Variants in EIF4G3 observed in about 807,000 individuals in gnomAD.
EIF4G3 encodes the protein eIF-4-gamma 3.
Under a neutral mutation model 186.4 loss-of-function variants are expected in EIF4G3, and 34 were observed. The ratio of observed to expected loss-of-function variants is 0.18; its 90% confidence interval spans 0.14 to 0.24. EIF4G3 has a LOEUF of 0.24. Ranked by LOEUF, EIF4G3 falls within the 10% of genes least tolerant of loss-of-function variation. The pLI is 1.00. For missense variants in EIF4G3, 1,536 were observed against 1,948.5 expected (o/e 0.79, Z 3.99); for synonymous variants, 673 against 679.5 (o/e 0.99, Z 0.15).
chr1:20,820,520 C>A (rs899267006), intron 33 of EIF4G3, among the ~76,000 whole-genome samples: 1 of 152,152 alleles, frequency 6.6e-6, no homozygotes, highest in Non-Finnish European at 1.5e-5. Flanking sequence ...TGGAAGGGGG[C>A]AGGGTCCCCA....
Position 20,899,899 on chromosome 1 carries a change from A to G in EIF4G3, c.1797T>C (p.Ser599=). 2 of 1,613,878 alleles carry G rather than the reference A, an allele frequency of 1.2e-6. No homozygotes were observed. Among genetic ancestry groups the G allele is most frequent in the Non-Finnish European group, 1.7e-6 (2 of 1,179,944 alleles). ...EELSIDKVLE[S]EQDKMSQGFH... ...ACCCCTGGCTCATTTTATCTTGTTC[A>G]GATTCAAGTACTTTGTCAATGGAAA... The change falls in exon 16 of 37, where the codon TCT becomes TCC. Residue 599 remains serine, a synonymous_variant. Transcript: ENST00000602326.
chr1:20,895,555 G>T, intron 16 of EIF4G3, 54 bp from the exon 17 acceptor site: 2 of 1,565,916 alleles, frequency 1.3e-6, no homozygotes, highest in Non-Finnish European at 1.7e-6. Context: ...ATACAGTCAT[G>T]CATTGCATAA....
intron 32 of EIF4G3, among the ~76,000 whole-genome samples, chr1:20,826,406 A>T (rs1237541018): frequency 6.8e-6 from 1 of 147,948 alleles, no homozygotes; most frequent in Non-Finnish European, 1.5e-5. Context: ...ACCTCAAGTG[A>T]TCCACCCGCC....
chr1:20,934,008 T>C (rs2154561470), intron 14 of EIF4G3, among the ~76,000 whole-genome samples: 1 of 152,338 alleles, frequency 6.6e-6, no homozygotes, highest in South Asian at 2.1e-4. Flanking sequence ...CTGATGGAAC[T>C]GTTTTATATT....
chr1:20,965,261 C>T (rs114121597), intron 12 of EIF4G3, among the ~76,000 whole-genome samples: 2,884 of 152,208 alleles, frequency 0.019, 76 homozygotes, highest in African/African-American at 0.059. Flanking sequence ...CATTATATCC[C>T]GCTCTTTAAA....
intron 2 of EIF4G3, among the ~76,000 whole-genome samples, chr1:21,171,746 A>G (rs1278492192): frequency 1.3e-5 from 2 of 152,200 alleles, no homozygotes; most frequent in African/African-American, 4.8e-5. Flanking sequence ...TCTAGACCCT[A>G]CATTTCAGAG....
intron 6 of EIF4G3, among the ~76,000 whole-genome samples, chr1:20,998,249 A>AC (rs1167685501): frequency 2.7e-5 from 4 of 150,146 alleles, no homozygotes; most frequent in South Asian, 4.2e-4. Flanking sequence ...ACACACACAC[A>AC]AGTTTAAGTT....
intron 2 of EIF4G3, among the ~76,000 whole-genome samples, chr1:21,164,131 A>C (rs533934506): frequency 6.6e-6 from 1 of 152,164 alleles, no homozygotes; most frequent in Non-Finnish European, 1.5e-5. Flanking sequence ...GTATAACCTC[A>C]TATCAATCAA....
At chr1:20,876,484 T>G (rs1460799690) in intron 20 of EIF4G3, among the ~76,000 whole-genome samples, 2 of 147,234 alleles carry the variant, frequency 1.4e-5, no homozygotes, top group African/African-American at 5.0e-5. Flanking sequence ...ATTTATATAA[T>G]TCAATTAAAG....
At chr1:21,021,434 A>G (rs2090652416) in intron 4 of EIF4G3, among the ~76,000 whole-genome samples, 1 of 152,242 alleles carries the variant, frequency 6.6e-6, no homozygotes, top group Non-Finnish European at 1.5e-5. Flanking sequence ...TCAGACAATG[A>G]GCAGATTATG....
chr1:20,864,737 C>T, intron 21 of EIF4G3, 25 bp from the exon 22 acceptor site: 11 of 1,572,398 alleles, frequency 7.0e-6, no homozygotes, highest in Non-Finnish European at 9.6e-6. Context: ...GGAATAATAG[C>T]ATCTTGATGA....
intron 14 of EIF4G3, among the ~76,000 whole-genome samples, chr1:20,939,010 G>A (rs1317446918): frequency 1.3e-5 from 2 of 151,826 alleles, no homozygotes; most frequent in African/African-American, 4.8e-5. Flanking sequence ...AGGAGGCTGA[G>A]GCAGGAGAAT....
At position 20,999,643 on chromosome 1, in the gene EIF4G3, G is replaced by C. The variant is rs2083064403; in HGVS notation, c.144+1556C>G. ...AAATTACATATATATAAAAACAAAAGCGAAAAAGAAAACCCCAACTTAAGT... is the reference window on the plus strand; with the variant it reads ...AAATTACATATATATAAAAACAAAACCGAAAAAGAAAACCCCAACTTAAGT... On this transcript the variant is annotated intron_variant, in intron 6 of 36. Coordinates refer to ENST00000602326, the MANE Select transcript of EIF4G3 (RefSeq NM_001391906.1). The C allele has an allele frequency of 7.5e-6, 3 of 401,512 alleles. No homozygotes were observed. In the Admixed American group the frequency reaches 1.0e-4, roughly 14 times the overall value. The allele number at this position is 401,512 out of a possible 1,614,324, so 24.9% of individuals were successfully genotyped here.
Position 20,904,924 on chromosome 1 carries a change from G to A in EIF4G3, c.1711C>T (p.Arg571Trp), listed in dbSNP as rs147145515. The change falls in exon 15 of 37, where the codon CGG (arginine) becomes TGG (tryptophan). Residue 571 changes from arginine to tryptophan, a missense_variant. Transcript: ENST00000602326. ...VPKTWKKPKD[R>W]TRTTEEMLEA... Reference sequence around the variant, plus strand: ...AACATCTCTTCAGTGGTTCGGGTCCGATCTTTTGGTTTCTTCCATGTCTTT... The same window carrying A: ...AACATCTCTTCAGTGGTTCGGGTCCAATCTTTTGGTTTCTTCCATGTCTTT... 3.0e-5 allele frequency: 49 copies of A among 1,613,722 alleles called. No individual in the cohort carries two copies. The highest frequency in any genetic ancestry group is 1.7e-4 in the African/African-American group (13 of 74,884).
Position 21,002,752 on chromosome 1 carries a change from G to A in EIF4G3, c.-10C>T. On this transcript the variant is annotated 5_prime_UTR_variant, in exon 5 of 37. Coordinates refer to ENST00000602326, the MANE Select transcript of EIF4G3 (RefSeq NM_001391906.1). ...GAGGTTGTGAATTCATTGTCTGAGG[G>A]GTTTGAGGGTATACCAGCGTGGTTG... is the stretch of plus-strand genomic sequence containing the variant. The A allele has an allele frequency of 1.2e-6, 2 of 1,613,604 alleles. No individual in the cohort carries two copies. Among genetic ancestry groups the A allele is most frequent in the Non-Finnish European group, 1.7e-6 (2 of 1,179,770 alleles).
chr1:20,893,779 C>T, intron 17 of EIF4G3, 143 bp from the exon 18 acceptor site: 5 of 831,106 alleles, frequency 6.0e-6, no homozygotes, highest in Non-Finnish European at 8.7e-6. Context: ...CAATCTCATC[C>T]ATGGCAGCTT....
chr1:20,992,936 G>T (rs959487555), intron 7 of EIF4G3, among the ~76,000 whole-genome samples: 3 of 152,110 alleles, frequency 2.0e-5, no homozygotes, highest in Admixed American at 1.3e-4. Flanking sequence ...TGTACTTTCT[G>T]TTCTTTCAGT....
intron 4 of EIF4G3, among the ~76,000 whole-genome samples, chr1:21,041,906 G>A (rs1279948711): frequency 6.6e-6 from 1 of 151,094 alleles, no homozygotes; most frequent in Non-Finnish European, 1.5e-5. Flanking sequence ...ACATTAGAGG[G>A]AAAAAAACGT....
chr1:20,838,247 G>A (rs2067346492), intron 30 of EIF4G3, among the ~76,000 whole-genome samples: 1 of 152,072 alleles, frequency 6.6e-6, no homozygotes, highest in Non-Finnish European at 1.5e-5. Context: ...GCCAATAAAG[G>A]TAGACTATGC....
Sources: allele counts gnomAD v4.1 joint callset (sites outside exome capture counted in the v4.1 genomes callset), GRCh38; gene constraint gnomAD v4.1.1; transcripts MANE v1.5; gene names NCBI Gene and HGNC (gene_info 2026-07-23, HGNC 2026-07-21).